The following TSPAN16 variants were observed in gnomAD, a reference collection of about 807,000 sequenced individuals.
The protein encoded by TSPAN16 is tetraspanin 16, also known as tetraspanin-16.
Under a neutral mutation model 25.2 loss-of-function variants are expected in TSPAN16, and 23 were observed. That is an observed-to-expected ratio of 0.91 (90% CI 0.66 to 1.29). The LOEUF is 1.29. Ranked by LOEUF, TSPAN16 falls within the 50% of genes most tolerant of loss-of-function variation. The probability of loss-of-function intolerance (pLI) is 0.00; values close to 1 mark genes in which losing one functional copy is unlikely to be tolerated. For synonymous variants in TSPAN16, 123 were observed against 124.4 expected, an observed-to-expected ratio of 0.99 and a Z score of 0.08; for missense variants, 272 against 299.9, an observed-to-expected ratio of 0.91 and a Z score of 0.69.
At chr19:11,315,467 G>A (rs916618731) in intron 6 of TSPAN16, among the ~76,000 whole-genome samples, 22 of 151,134 alleles carry the variant, frequency 1.5e-4, no homozygotes, top group African/African-American at 5.1e-4. Flanking sequence ...TGAGGCAGGA[G>A]AATGGCGTGA....
chr19:11,297,653 C>G (rs1056712549), intron 1 of TSPAN16, among the ~76,000 whole-genome samples: 3 of 152,002 alleles, frequency 2.0e-5, no homozygotes, highest in African/African-American at 7.3e-5. Context: ...CCCACCACCA[C>G]GCCCGGCCAA....
chr19:11,306,497 T>C (rs962180011), intron 4 of TSPAN16, 107 bp from the exon 5 acceptor site: 14 of 1,344,184 alleles, frequency 1.0e-5, no homozygotes, highest in Non-Finnish European at 1.5e-5. Context: ...TTTAGCACAG[T>C]CTCTGGGATA....
chr19:11,320,971 C>T lies in TSPAN16; in HGVS notation c.688-5823C>T, dbSNP rs538091866. Among the ~76,000 whole-genome samples the T allele has an allele frequency of 3.3e-5, 5 of 152,098 alleles. No homozygotes were observed. In the South Asian group the frequency reaches 8.3e-4, roughly 25 times the overall value. The stretch of plus-strand genomic sequence containing the variant: ...AGATCATGAGGTCAGGCGTTCGAGA[C>T]CAGCCTGGCCAACGTGGTGAAACCC... On this transcript the variant is annotated intron_variant, in intron 6 of 6. Transcript: ENST00000316737.
chr19:11,313,429 A>T (rs2080714236), intron 6 of TSPAN16, among the ~76,000 whole-genome samples: 1 of 151,884 alleles, frequency 6.6e-6, no homozygotes, highest in African/African-American at 2.4e-5. Flanking sequence ...TGGGTTGCTG[A>T]GGCAGGAGAA....
At chr19:11,319,940 G>A (rs929684411), downstream of TSPAN16, among the ~76,000 whole-genome samples, 2 of 151,498 alleles carry the variant, frequency 1.3e-5, no homozygotes, top group African/African-American at 2.4e-5. Context: ...TCAGCCTCCC[G>A]CGTAGCTGGG....
intron 4 of TSPAN16, among the ~76,000 whole-genome samples, chr19:11,306,083 C>T (rs973879098): frequency 1.3e-5 from 2 of 152,038 alleles, no homozygotes; most frequent in East Asian, 1.9e-4. Context: ...GCCTGGCCAA[C>T]GTGGCATAAA....
At chr19:11,298,025 C>A in intron 1 of TSPAN16, 117 bp from the exon 2 acceptor site, 2 of 1,034,592 alleles carry the variant, frequency 1.9e-6, no homozygotes, top group Non-Finnish European at 2.9e-6. Context: ...GGGCTCAAGT[C>A]TTGGCCTTGG....
intron 6 of TSPAN16, chr19:11,322,873 T>C (rs1216102314): frequency 1.3e-5 from 2 of 152,176 alleles, no homozygotes; most frequent in Non-Finnish European, 2.9e-5. Context: ...ATCTGATCCA[T>C]TCCTTTTTTT....
chr19:11,298,779 C>T lies in TSPAN16; in HGVS notation c.268-93C>T, dbSNP rs568138211. ...GCCAGGGTGGCCTGGGGTGGAGGGT[C>T]GGGGGAACAGAGACAACCCCTCACC... is the stretch of plus-strand genomic sequence containing the variant. On this transcript the variant is annotated intron_variant, in intron 2 of 6. Coordinates refer to ENST00000590327, the MANE Select transcript of TSPAN16 (RefSeq NM_001282509.2). The T allele has an allele frequency of 6.9e-5, 87 of 1,259,460 alleles. 1 individual carries two copies. The highest frequency in any genetic ancestry group is 5.9e-4 in the Middle Eastern group (3 of 5,088). 78.0% of individuals were successfully genotyped at this position (1,259,460 alleles called of 1,614,324 possible). A position where few individuals can be genotyped will look rare whatever the true frequency, so the allele number is the denominator to read the frequency against.
At chr19:11,324,499 TA>T (rs1248318859) in intron 6 of TSPAN16, 1 of 99,148 alleles carries the variant, frequency 1.0e-5, no homozygotes, top group African/African-American at 1.1e-4. Flanking sequence ...CACAACCAGC[TA>T]AACAGCTAAA....
chr19:11,308,473 ATTT>A (rs766587009), intron 5 of TSPAN16, among the ~76,000 whole-genome samples: 1 of 123,246 alleles, frequency 8.1e-6, no homozygotes, highest in Non-Finnish European at 1.8e-5. Flanking sequence ...TAATTTTTGC[ATTT>A]TTTTTTTTTT....
intron 3 of TSPAN16, chr19:11,300,962 G>T (rs2080539290): frequency 2.4e-6 from 1 of 422,318 alleles, no homozygotes; most frequent in Non-Finnish European, 4.4e-6. Context: ...GTGTGCGATG[G>T]GTACAGAGAG....
In TSPAN16 at chr19:11,324,068, A is replaced by G. The variant is rs893137760; in HGVS notation, c.688-2726A>G. ...ATCACAGTCCATCCCCCCCATTCACATAAGGTCCTGCCACTCTCAGGCTGT... is the reference window on the plus strand; with the variant it reads ...ATCACAGTCCATCCCCCCCATTCACGTAAGGTCCTGCCACTCTCAGGCTGT... On this transcript the variant is annotated intron_variant, in intron 6 of 6. Coordinates refer to the TSPAN16 transcript ENST00000316737. 9 of 152,160 alleles carry G rather than the reference A, an allele frequency of 5.9e-5. No homozygotes were observed. In the South Asian group the frequency reaches 1.5e-3, roughly 25 times the overall value. 9.4% of individuals were successfully genotyped at this position (152,160 alleles called of 1,614,324 possible). A position where few individuals can be genotyped will look rare whatever the true frequency, so the allele number is the denominator to read the frequency against.
intron 4 of TSPAN16, among the ~76,000 whole-genome samples, chr19:11,302,670 TATATATATAC>T (rs1228954619): frequency 8.5e-5 from 10 of 117,760 alleles, no homozygotes; most frequent in African/African-American, 5.2e-4. Flanking sequence ...CATATATATA[TATATATATAC>T]ACACACACAC....
At chr19:11,305,431 G>A (rs1185604121) in intron 4 of TSPAN16, among the ~76,000 whole-genome samples, 3 of 151,976 alleles carry the variant, frequency 2.0e-5, no homozygotes, top group South Asian at 2.1e-4. Flanking sequence ...TCGGGAGGCC[G>A]AGGTAGGAGA....
In TSPAN16 at chr19:11,305,862, T is replaced by G. The variant is rs546111602; in HGVS notation, c.451-742T>G. 5.9e-5 allele frequency among the ~76,000 whole-genome samples: 9 copies of G among 152,304 alleles called. No homozygotes were observed. The East Asian group carries it at 1.7e-3, about 29-fold the overall frequency. On this transcript the variant is annotated intron_variant, in intron 4 of 6. Transcript: ENST00000590327. ...AATTCATTCTTCCATTACTGACATG[T>G]GAATGAAGAGATGGGCAATCTCTGG... is the stretch of plus-strand genomic sequence containing the variant.
At chr19:11,320,821 A>T (rs1305828015), downstream of TSPAN16, among the ~76,000 whole-genome samples, 2 of 152,166 alleles carry the variant, frequency 1.3e-5, no homozygotes, top group African/African-American at 2.4e-5. Context: ...GCTTTGTTGT[A>T]TTAGTCTGTT....
At chr19:11,311,549 A>G (rs1014316535) in intron 5 of TSPAN16, among the ~76,000 whole-genome samples, 9 of 151,964 alleles carry the variant, frequency 5.9e-5, no homozygotes, top group Non-Finnish European at 7.4e-5. Flanking sequence ...TCCTGCCCCA[A>G]TCTCCCAAGT....
At chr19:11,300,024 T>C (rs1347881936) in intron 3 of TSPAN16, among the ~76,000 whole-genome samples, 1 of 148,828 alleles carries the variant, frequency 6.7e-6, no homozygotes, top group Non-Finnish European at 1.5e-5. Context: ...AAAAGAAAGA[T>C]TGCAAAGAAC....
Sources: allele counts gnomAD v4.1 joint callset (sites outside exome capture counted in the v4.1 genomes callset), GRCh38; gene constraint gnomAD v4.1.1; transcripts MANE v1.5; gene names NCBI Gene and HGNC (gene_info 2026-07-23, HGNC 2026-07-21).